CNTN5: variants seen among roughly 807,000 people sequenced by gnomAD.
The protein encoded by CNTN5 is contactin 5.
Under a neutral mutation model 129.1 loss-of-function variants are expected in CNTN5, and 77 were observed. That is an observed-to-expected ratio of 0.60 (90% CI 0.50 to 0.72). The LOEUF (loss-of-function observed/expected upper bound fraction) is 0.72, where lower values mean the gene tolerates loss of function less well. Ranked by LOEUF, CNTN5 falls within the 30% of genes least tolerant of loss-of-function variation. The pLI is 0.00. For synonymous variants in CNTN5, 509 were observed against 465.6 expected, an observed-to-expected ratio of 1.09 and a Z score of -1.20; for missense variants, 1,478 against 1,328.8, an observed-to-expected ratio of 1.11 and a Z score of -1.75.
intron 9 of CNTN5, among the ~76,000 whole-genome samples, chr11:100,022,919 G>A (rs961626558): frequency 6.6e-6 from 1 of 152,058 alleles, no homozygotes; most frequent in Non-Finnish European, 1.5e-5. Flanking sequence ...AGTATATAAT[G>A]TGGTTTTTTT....
chr11:99,272,995 C>T (rs1863246195), intron 1 of CNTN5, among the ~76,000 whole-genome samples: 1 of 151,772 alleles, frequency 6.6e-6, no homozygotes, highest in South Asian at 2.1e-4. Flanking sequence ...CTAACAGAGA[C>T]ACTGAAAGCC....
chr11:99,643,968 C>G (rs1227268234), intron 3 of CNTN5, among the ~76,000 whole-genome samples: 2 of 152,098 alleles, frequency 1.3e-5, no homozygotes. Context: ...AAATACATGT[C>G]CCATGCAAAG....
chr11:99,685,644 A>G (rs1953758155), intron 3 of CNTN5, among the ~76,000 whole-genome samples: 1 of 152,040 alleles, frequency 6.6e-6, no homozygotes, highest in African/African-American at 2.4e-5. Flanking sequence ...GTCTGATAGC[A>G]TAGATAAGCA....
intron 3 of CNTN5, among the ~76,000 whole-genome samples, chr11:99,666,165 A>C (rs1270021434): frequency 6.6e-6 from 1 of 152,082 alleles, no homozygotes; most frequent in Non-Finnish European, 1.5e-5. Context: ...ACAGGGCTTC[A>C]CCATGTTGGC....
chr11:100,340,718 CG>C, intron 22 of CNTN5, 69 bp downstream of exon 22: 1 of 1,345,076 alleles, frequency 7.4e-7, no homozygotes, highest in South Asian at 1.5e-5. Flanking sequence ...CTCAAAGCCA[CG>C]TGAGGTGCAT....
intron 18 of CNTN5, among the ~76,000 whole-genome samples, chr11:100,279,773 T>C (rs1160666967): frequency 6.6e-6 from 1 of 151,870 alleles, no homozygotes; most frequent in African/African-American, 2.4e-5. Context: ...ATCTTTTGTA[T>C]TGTTTTCTTC....
chr11:99,125,171 T>G (rs1415182320), intron 1 of CNTN5, among the ~76,000 whole-genome samples: 1 of 151,860 alleles, frequency 6.6e-6, no homozygotes, highest in East Asian at 1.9e-4. Flanking sequence ...TAAAAGAAAA[T>G]TTAAGACCAG....
rs114828095 is a variant in CNTN5 at position 99,861,357 on chromosome 11, T to G, written c.577+16095T>G. Among the ~76,000 whole-genome samples, 969 of 152,274 alleles carry G rather than the reference T, an allele frequency of 6.4e-3. 9 individuals carry two copies. Among genetic ancestry groups the G allele is most frequent in the African/African-American group, 0.022 (929 of 41,558 alleles). ...CTTGGTTAGATGTATTCCGAAGTAT[T>G]TTTTGTAGGTCATGCTTTCTTAAAA... On this transcript the variant is annotated intron_variant, in intron 6 of 24. Transcript: ENST00000524871.
intron 13 of CNTN5, among the ~76,000 whole-genome samples, chr11:100,087,806 C>G (rs1292654661): frequency 6.6e-6 from 1 of 151,866 alleles, no homozygotes; most frequent in East Asian, 1.9e-4. Context: ...TACCCATTGA[C>G]CACACAATAT....
At chr11:99,042,517 A>G (rs567197784) in intron 1 of CNTN5, among the ~76,000 whole-genome samples, 2 of 151,462 alleles carry the variant, frequency 1.3e-5, no homozygotes, top group South Asian at 4.2e-4. Context: ...CTGGGACTAC[A>G]GGCGCCCGCC....
chr11:99,165,911 G>A (rs1860844165), intron 1 of CNTN5, among the ~76,000 whole-genome samples: 1 of 152,158 alleles, frequency 6.6e-6, no homozygotes, highest in Admixed American at 6.5e-5. Context: ...TCTGAGGTGG[G>A]ATGATGGTTG....
intron 1 of CNTN5, among the ~76,000 whole-genome samples, chr11:99,284,502 T>G (rs1863836230): frequency 6.6e-6 from 1 of 152,150 alleles, no homozygotes; most frequent in Non-Finnish European, 1.5e-5. Flanking sequence ...CATATTTTCT[T>G]ATTTACCTTG....
At chr11:99,147,024 T>C (rs186347602) in intron 1 of CNTN5, among the ~76,000 whole-genome samples, 57 of 152,290 alleles carry the variant, frequency 3.7e-4, no homozygotes, top group African/African-American at 1.3e-3. Context: ...TTAAGCACTA[T>C]ATTGAGGACA....
intron 16 of CNTN5, among the ~76,000 whole-genome samples, chr11:100,255,057 T>C (rs1311661110): frequency 6.6e-6 from 1 of 152,192 alleles, no homozygotes. Context: ...AATAATATTC[T>C]ATACCATTCT....
At chr11:100,280,307 G>A (rs1481004895) in intron 18 of CNTN5, among the ~76,000 whole-genome samples, 3 of 151,836 alleles carry the variant, frequency 2.0e-5, no homozygotes, top group African/African-American at 4.8e-5. Flanking sequence ...GCAGTGAGGC[G>A]TATCTCTCTT....
chr11:99,428,333 G>A (rs1943218861), intron 2 of CNTN5, among the ~76,000 whole-genome samples: 2 of 152,024 alleles, frequency 1.3e-5, no homozygotes, highest in African/African-American at 2.4e-5. Context: ...GCCAAGGTGG[G>A]TGGATCACTT....
intron 8 of CNTN5, among the ~76,000 whole-genome samples, chr11:99,996,912 C>T (rs1939487428): frequency 6.6e-6 from 1 of 152,130 alleles, no homozygotes; most frequent in African/African-American, 2.4e-5. Flanking sequence ...AGTCATCTTC[C>T]ACCAGGTCCC....
chr11:99,105,199 T>C (rs555378657), intron 1 of CNTN5, among the ~76,000 whole-genome samples: 6 of 152,150 alleles, frequency 3.9e-5, no homozygotes, highest in Admixed American at 2.0e-4. Flanking sequence ...ACTTATGTCG[T>C]GGGATTTGTG....
At chr11:100,314,728 A>G (rs1181082019) in intron 21 of CNTN5, among the ~76,000 whole-genome samples, 2 of 152,056 alleles carry the variant, frequency 1.3e-5, no homozygotes, top group East Asian at 1.9e-4. Context: ...TTAAATCTCT[A>G]ACAGCCTTAC....
Sources: allele counts gnomAD v4.1 joint callset (sites outside exome capture counted in the v4.1 genomes callset), GRCh38; gene constraint gnomAD v4.1.1; transcripts MANE v1.5; gene names NCBI Gene and HGNC (gene_info 2026-07-23, HGNC 2026-07-21).